The following NEK11 variants were observed in gnomAD, a reference collection of about 807,000 sequenced individuals.
NEK11 encodes serine/threonine-protein kinase Nek11.
A neutral mutation model predicts 80.7 loss-of-function variants in NEK11; 72 were observed. The observed-to-expected ratio is 0.89, with a 90% CI of 0.74 to 1.08. The LOEUF (loss-of-function observed/expected upper bound fraction) is 1.08, where lower values mean the gene tolerates loss of function less well. Among genes scored for constraint, NEK11 ranks in the 50% least tolerant of loss-of-function variants. The probability of loss-of-function intolerance (pLI) is 0.00; values close to 1 mark genes in which losing one functional copy is unlikely to be tolerated. For missense variants in NEK11, 764 were observed against 763.6 expected (o/e 1.00, Z -0.01); for synonymous variants, 251 against 260.7 (o/e 0.96, Z 0.36).
At chr3:131,156,250 G>A (rs2090624148) in intron 10 of NEK11, among the ~76,000 whole-genome samples, 1 of 152,186 alleles carries the variant, frequency 6.6e-6, no homozygotes, top group Non-Finnish European at 1.5e-5. Flanking sequence ...AATAAGAGAT[G>A]TATATTCCTG....
intron 14 of NEK11, among the ~76,000 whole-genome samples, chr3:131,227,555 TA>T (rs1338360816): frequency 6.6e-6 from 1 of 152,178 alleles, no homozygotes; most frequent in Non-Finnish European, 1.5e-5. Context: ...CCAAATTTCA[TA>T]TTTTTCCCAC....
chr3:131,319,296 C>T (rs2096874790), intron 17 of NEK11, among the ~76,000 whole-genome samples: 1 of 152,034 alleles, frequency 6.6e-6, no homozygotes, highest in Admixed American at 6.6e-5. Context: ...TTATTAATGC[C>T]TACTGTGTGC....
At chr3:131,155,172 G>A (rs2090439033) in intron 10 of NEK11, 51 bp downstream of exon 10, 2 of 1,190,230 alleles carry the variant, frequency 1.7e-6, no homozygotes, top group Non-Finnish European at 1.2e-6. Context: ...AATGTTAAAT[G>A]TATTTGTCTT....
rs150143662 is a variant in NEK11 at position 131,053,119 on chromosome 3, A to G, written c.170+23241A>G. ...CCCCATATTCAAATTAGTGGTCACA[A>G]GCATATGTGATATTTACATTTACAA... On this transcript the variant is annotated intron_variant, in intron 3 of 17. Coordinates refer to ENST00000383366, the MANE Select transcript of NEK11 (RefSeq NM_024800.5). Among the ~76,000 whole-genome samples, 321 of 152,326 alleles carry G rather than the reference A, an allele frequency of 2.1e-3. 4 individuals are homozygous for G. The highest frequency in any genetic ancestry group is 7.2e-3 in the African/African-American group (300 of 41,560).
At chr3:131,071,830 T>A (rs1038208427) in intron 3 of NEK11, among the ~76,000 whole-genome samples, 1 of 152,156 alleles carries the variant, frequency 6.6e-6, no homozygotes, top group Non-Finnish European at 1.5e-5. Context: ...GTTATACATT[T>A]TTTGTTTAAA....
intron 4 of NEK11, among the ~76,000 whole-genome samples, chr3:131,090,828 A>G (rs1409513089): frequency 6.6e-6 from 1 of 152,152 alleles, no homozygotes; most frequent in Non-Finnish European, 1.5e-5. Flanking sequence ...GCAGTGGTGC[A>G]ATCATAGCTC....
intron 4 of NEK11, among the ~76,000 whole-genome samples, chr3:131,107,001 C>T (rs1386229767): frequency 6.6e-6 from 1 of 151,976 alleles, no homozygotes; most frequent in East Asian, 1.9e-4. Context: ...AAGATTTTTT[C>T]CATTGGCCTT....
intron 15 of NEK11, among the ~76,000 whole-genome samples, chr3:131,239,200 T>C (rs1329202757): frequency 2.6e-5 from 4 of 152,046 alleles, no homozygotes; most frequent in African/African-American, 9.7e-5. Flanking sequence ...TTTACTTCTC[T>C]ATGGGATGGC....
intron 3 of NEK11, among the ~76,000 whole-genome samples, chr3:131,031,013 T>A (rs1172420771): frequency 6.6e-6 from 1 of 152,158 alleles, no homozygotes; most frequent in African/African-American, 2.4e-5. Context: ...TCTTCTAAGG[T>A]TTTAAGGCTA....
intron 17 of NEK11, among the ~76,000 whole-genome samples, chr3:131,328,143 G>C (rs2097004575): frequency 1.3e-5 from 2 of 151,752 alleles, no homozygotes. Flanking sequence ...TTTTTAATGA[G>C]CTGGGTTGTG....
intron 5 of NEK11, among the ~76,000 whole-genome samples, chr3:131,115,344 C>G (rs2080839693): frequency 2.0e-5 from 3 of 152,114 alleles, no homozygotes; most frequent in Admixed American, 2.0e-4. Flanking sequence ...TGTGGGACTT[C>G]TCAGCCTCCC....
rs138019964 is a variant in NEK11 at position 131,141,931 on chromosome 3, G to A, written c.647+7975G>A. On this transcript the variant is annotated intron_variant, in intron 7 of 17. Transcript: ENST00000383366. ...ATGAGAATCTGCTAAAGGCTGTTAAGCAGAGGAATGATGTATCAGTCAGCT... is the reference window on the plus strand; with the variant it reads ...ATGAGAATCTGCTAAAGGCTGTTAAACAGAGGAATGATGTATCAGTCAGCT... 2.0e-3 allele frequency among the ~76,000 whole-genome samples: 299 copies of A among 152,296 alleles called. 1 individual carries two copies. Among genetic ancestry groups the A allele is most frequent in the African/African-American group, 5.7e-3 (237 of 41,568 alleles).
chr3:131,239,315 T>C (rs1156269643), intron 15 of NEK11, among the ~76,000 whole-genome samples: 1 of 152,156 alleles, frequency 6.6e-6, no homozygotes, highest in African/African-American at 2.4e-5. Flanking sequence ...CTGAGCAAGA[T>C]GAAGCTCAGC....
chr3:131,221,697 C>T (rs1460452644), intron 14 of NEK11, among the ~76,000 whole-genome samples: 3 of 152,254 alleles, frequency 2.0e-5, no homozygotes, highest in East Asian at 1.9e-4. Flanking sequence ...ATATCTGGAT[C>T]GTTTTAGCAG....
intron 17 of NEK11, among the ~76,000 whole-genome samples, chr3:131,291,252 T>A (rs2096540723): frequency 6.6e-6 from 1 of 152,244 alleles, no homozygotes; most frequent in Non-Finnish European, 1.5e-5. Context: ...TGTCTTTTCA[T>A]GGCTTAATAG....
At chr3:131,047,701 C>T (rs1291973547) in intron 3 of NEK11, among the ~76,000 whole-genome samples, 7 of 152,158 alleles carry the variant, frequency 4.6e-5, no homozygotes, top group Non-Finnish European at 7.4e-5. Context: ...GTGGACTCTG[C>T]GAGGGTCCTT....
intron 16 of NEK11, 144 bp downstream of exon 16, chr3:131,243,640 G>C: frequency 1.5e-6 from 1 of 660,160 alleles, no homozygotes; most frequent in East Asian, 2.8e-5. Flanking sequence ...TTGAATGTCT[G>C]ACCCAAAAGC....
At chr3:131,223,790 G>A (rs750821902) in intron 14 of NEK11, among the ~76,000 whole-genome samples, 2 of 152,172 alleles carry the variant, frequency 1.3e-5, no homozygotes, top group Non-Finnish European at 2.9e-5. Flanking sequence ...AGGACAGTGG[G>A]AGGTGAACAG....
At chr3:131,165,890 T>C (rs2092172016) in intron 12 of NEK11, among the ~76,000 whole-genome samples, 3 of 152,242 alleles carry the variant, frequency 2.0e-5, no homozygotes, top group Non-Finnish European at 4.4e-5. Context: ...TTGTTCTCTT[T>C]GTCTGGTTTT....
Sources: gnomAD v4.1 joint callset for allele counts (sites outside exome capture counted in the v4.1 genomes callset) on GRCh38, gnomAD v4.1.1 for gene constraint, MANE v1.5 for transcripts, NCBI Gene and HGNC (gene_info 2026-07-23, HGNC 2026-07-21) for gene names.